The following MYO16 variants were observed in gnomAD, a reference collection of about 807,000 sequenced individuals.
The protein encoded by MYO16 is unconventional myosin-XVI.
A neutral mutation model predicts 205.3 loss-of-function variants in MYO16; 94 were observed. The observed-to-expected ratio is 0.46, with a 90% CI of 0.39 to 0.54. The LOEUF (loss-of-function observed/expected upper bound fraction) is 0.54, where lower values mean the gene tolerates loss of function less well. MYO16 is among the 20% of genes least tolerant of loss of function. The pLI, the probability that MYO16 is intolerant of heterozygous loss-of-function variation, is 0.00. For missense variants in MYO16, 2,315 were observed against 2,387.5 expected, an observed-to-expected ratio of 0.97 and a Z score of 0.63; for synonymous variants, 988 against 954.0, an observed-to-expected ratio of 1.04 and a Z score of -0.66.
rs547554098 is a variant in MYO16, at chr13:108,923,395, T to C, written c.1925+13245T>C. 2.4e-3 allele frequency among the ~76,000 whole-genome samples: 358 copies of C among 152,334 alleles called. 3 individuals are homozygous for C. Among genetic ancestry groups the C allele is most frequent in the Non-Finnish European group, 2.9e-3 (199 of 68,028 alleles). ...TGCTTTTGCTAGCAGTTACTGACAC[T>C]AGGAGAGTTATTTCAGAGGAGGGGG... is the stretch of plus-strand genomic sequence containing the variant. On this transcript the variant is annotated intron_variant, in intron 16 of 34. Coordinates refer to ENST00000457511, the MANE Select transcript of MYO16 (RefSeq NM_001198950.3).
intron 27 of MYO16, among the ~76,000 whole-genome samples, chr13:109,070,409 G>A (rs1161554405): frequency 6.6e-6 from 1 of 152,142 alleles, no homozygotes; most frequent in Non-Finnish European, 1.5e-5. Context: ...TTAGTTTTCT[G>A]TATAGTTTTA....
chr13:108,558,587 G>C, the MYO16 span, among the ~76,000 whole-genome samples: 1 of 152,182 alleles, frequency 6.6e-6, no homozygotes, highest in East Asian at 1.9e-4. Flanking sequence ...TTGCTGTCTC[G>C]CAGCAGAAGC....
In MYO16 at chr13:109,055,304, G is replaced by C; in HGVS notation, c.3130-86G>C. The C allele has an allele frequency of 8.6e-7, 1 of 1,158,368 alleles. No homozygotes were observed. Among genetic ancestry groups the C allele is most frequent in the South Asian group, 1.5e-5 (1 of 68,050 alleles). 71.8% of individuals were successfully genotyped at this position (1,158,368 alleles called of 1,614,324 possible). A position where few individuals can be genotyped will look rare whatever the true frequency, so the allele number is the denominator to read the frequency against. Reference sequence around the variant, plus strand: ...TAAATGCATAATGAGATTTAAAGACGTAAAGACTTTTTATTTAAAAACTGC... The same window carrying C: ...TAAATGCATAATGAGATTTAAAGACCTAAAGACTTTTTATTTAAAAACTGC... On this transcript the variant is annotated intron_variant, in intron 26 of 34. Transcript: ENST00000457511. The surrounding 1 kb of genome is among the most constrained non-coding windows in gnomAD (Gnocchi z 5.0).
At chr13:108,955,402 A>G (rs1023801234) in intron 16 of MYO16, among the ~76,000 whole-genome samples, 1 of 152,038 alleles carries the variant, frequency 6.6e-6, no homozygotes, top group Non-Finnish European at 1.5e-5. Flanking sequence ...TTCTTCCACC[A>G]TCAGCCGAGA....
At chr13:108,668,084 A>T (rs1406951104) in intron 2 of MYO16, among the ~76,000 whole-genome samples, 1 of 152,240 alleles carries the variant, frequency 6.6e-6, no homozygotes, top group African/African-American at 2.4e-5. Context: ...AATTTCTTGT[A>T]CCAAATATCT....
chr13:108,497,621 T>C, the MYO16 span, among the ~76,000 whole-genome samples: 2 of 152,220 alleles, frequency 1.3e-5, no homozygotes, highest in South Asian at 4.1e-4. Context: ...GTTGGGTTTA[T>C]CTGTGTACTA....
intron 9 of MYO16, among the ~76,000 whole-genome samples, chr13:108,828,512 G>T (rs1467198297): frequency 6.6e-6 from 1 of 152,094 alleles, no homozygotes; most frequent in Non-Finnish European, 1.5e-5. Context: ...CTTGATTTCT[G>T]GGTGGGAACC....
chr13:109,164,691 G>T (rs1878556421), intron 32 of MYO16, among the ~76,000 whole-genome samples: 1 of 152,130 alleles, frequency 6.6e-6, no homozygotes, highest in East Asian at 1.9e-4. Context: ...ACAAATTATT[G>T]TTACCACTTG....
chr13:108,713,040 C>T (rs558221682), intron 3 of MYO16, among the ~76,000 whole-genome samples: 9 of 152,186 alleles, frequency 5.9e-5, no homozygotes, highest in Admixed American at 5.9e-4. Context: ...TACAAGTTGT[C>T]CTTATTCCTC....
intron 3 of MYO16, among the ~76,000 whole-genome samples, chr13:108,723,111 G>C (rs190318648): frequency 7.8e-4 from 118 of 152,034 alleles, no homozygotes; most frequent in African/African-American, 2.2e-3. Flanking sequence ...TGAGTATTCA[G>C]TTAGTGTATC....
At chr13:109,003,460 T>C (rs1885284043) in intron 21 of MYO16, among the ~76,000 whole-genome samples, 1 of 152,100 alleles carries the variant, frequency 6.6e-6, no homozygotes, top group African/African-American at 2.4e-5. Flanking sequence ...GCTGTAGGTT[T>C]TATCAATCAT....
intron 32 of MYO16, among the ~76,000 whole-genome samples, chr13:109,157,204 C>T (rs1430641206): frequency 2.2e-5 from 3 of 135,506 alleles, no homozygotes; most frequent in East Asian, 2.3e-4. Context: ...CCTCAAGGTC[C>T]ATTCAGCTGT....
At chr13:108,996,139 T>C (rs1884994233) in intron 21 of MYO16, among the ~76,000 whole-genome samples, 2 of 152,220 alleles carry the variant, frequency 1.3e-5, no homozygotes, top group Non-Finnish European at 2.9e-5. Flanking sequence ...ACATGTATGT[T>C]TATTGCGGCA....
Position 109,023,381 on chromosome 13 carries a change from A to C in MYO16, c.2796+3470A>C, listed in dbSNP as rs1412281961. ...AGATATAAATATATATTTATATATTATACAGATATAAATATATATTTATAT... is the reference window on the plus strand; with the variant it reads ...AGATATAAATATATATTTATATATTCTACAGATATAAATATATATTTATAT... On this transcript the variant is annotated intron_variant, in intron 23 of 34. Coordinates refer to ENST00000457511, the MANE Select transcript of MYO16 (RefSeq NM_001198950.3). Among the ~76,000 whole-genome samples, 25 of 74,288 alleles carry C rather than the reference A, an allele frequency of 3.4e-4. 1 individual carries two copies. Among genetic ancestry groups the C allele is most frequent in the Admixed American group, 1.2e-3 (5 of 4,038 alleles). The allele number at this position is 74,288 out of a possible 152,430, so 48.7% of individuals were successfully genotyped here.
chr13:108,923,571 C>G (rs1048369189), intron 16 of MYO16, among the ~76,000 whole-genome samples: 13 of 152,228 alleles, frequency 8.5e-5, no homozygotes, highest in Non-Finnish European at 1.5e-4. Context: ...ATGGCCAACC[C>G]GCTGGCCAGC....
the MYO16 span, among the ~76,000 whole-genome samples, chr13:108,574,669 T>TTGTGTGTGTGTG: frequency 1.5e-3 from 200 of 136,582 alleles, no homozygotes; most frequent in East Asian, 4.3e-3. Flanking sequence ...CAATAACAAT[T>TTGTGTGTGTGTG]TGTGTGTGTG....
chr13:108,727,433 C>T lies in MYO16; in HGVS notation c.364-7C>T. The stretch of plus-strand genomic sequence containing the variant: ...AATTTGATATTTCCTTGTATTCTTT[C>T]TTTTAGTGTGCTCGGTATGATAATG... On this transcript the variant is annotated splice_region_variant and splice_polypyrimidine_tract_variant and intron_variant, in intron 3 of 34. Transcript: ENST00000457511. 1 of 1,611,522 alleles carries T rather than the reference C, an allele frequency of 6.2e-7. No homozygotes were observed. Among genetic ancestry groups the T allele is most frequent in the Non-Finnish European group, 8.5e-7 (1 of 1,178,522 alleles).
chr13:108,996,856 T>G (rs1292673134), intron 21 of MYO16, among the ~76,000 whole-genome samples: 1 of 152,220 alleles, frequency 6.6e-6, no homozygotes, highest in African/African-American at 2.4e-5. Flanking sequence ...GCTCTGCAGA[T>G]CTGCACCAAT....
At chr13:108,740,611 G>A (rs1169350600) in intron 4 of MYO16, among the ~76,000 whole-genome samples, 9 of 152,148 alleles carry the variant, frequency 5.9e-5, no homozygotes, top group East Asian at 1.9e-4. Flanking sequence ...CAGTCTGTCC[G>A]TTCTCAGATC....
Sources: allele counts gnomAD v4.1 joint callset (sites outside exome capture counted in the v4.1 genomes callset), GRCh38; gene constraint gnomAD v4.1.1; non-coding constraint Gnocchi (gnomAD v3.1); transcripts MANE v1.5; gene names NCBI Gene and HGNC (gene_info 2026-07-23, HGNC 2026-07-21).